The following GPATCH2 variants were observed in gnomAD, a reference collection of about 807,000 sequenced individuals.
GPATCH2 encodes the protein G patch domain-containing protein 2.
A neutral mutation model predicts 58.0 loss-of-function variants in GPATCH2; 51 were observed. The observed-to-expected ratio is 0.88, with a 90% confidence interval of 0.70 to 1.11. The LOEUF is 1.11. GPATCH2 is among the 50% of genes most tolerant of loss of function. The pLI, the probability that GPATCH2 is intolerant of heterozygous loss-of-function variation, is 0.00. For synonymous variants in GPATCH2, 222 were observed against 218.5 expected (o/e 1.02, Z -0.14); for missense variants, 625 against 652.2 (o/e 0.96, Z 0.45).
chr1:217,559,387 T>C (rs1054516005), intron 5 of GPATCH2, among the ~76,000 whole-genome samples: 6 of 151,990 alleles, frequency 3.9e-5, no homozygotes, highest in African/African-American at 1.4e-4. Context: ...ATCTTTTCAA[T>C]ATAGAGCCTT....
In GPATCH2 at chr1:217,427,105, T is replaced by C. The variant is rs1658370498; in HGVS notation, c.*4040A>G. On this transcript the variant is annotated 3_prime_UTR_variant, in exon 10 of 10. Transcript: ENST00000366935. Reference sequence around the variant, plus strand: ...CACTTAAAATGTCCAAGCAGCTTTATGAGAGGCACAACTTTCCAAAAGGAA... The same window carrying C: ...CACTTAAAATGTCCAAGCAGCTTTACGAGAGGCACAACTTTCCAAAAGGAA... The C allele has an allele frequency of 6.6e-6, 1 of 152,158 alleles. No homozygotes were observed. Among genetic ancestry groups the C allele is most frequent in the African/African-American group, 2.4e-5 (1 of 41,444 alleles). 9.4% of individuals were successfully genotyped at this position (152,158 alleles called of 1,614,324 possible).
chr1:217,562,274 T>C (rs534411032), intron 5 of GPATCH2, among the ~76,000 whole-genome samples: 2 of 152,332 alleles, frequency 1.3e-5, no homozygotes, highest in Admixed American at 6.5e-5. Flanking sequence ...TAATGTTACA[T>C]GGAGTAGAGC....
At chr1:217,562,471 T>A (rs1196264807) in intron 5 of GPATCH2, among the ~76,000 whole-genome samples, 1 of 152,176 alleles carries the variant, frequency 6.6e-6, no homozygotes, top group Non-Finnish European at 1.5e-5. Flanking sequence ...GTTGGAAAAC[T>A]ACTAGGACAG....
At chr1:217,468,062 A>C (rs185826606) in intron 8 of GPATCH2, among the ~76,000 whole-genome samples, 199 of 152,340 alleles carry the variant, frequency 1.3e-3, no homozygotes, top group Non-Finnish European at 1.3e-3. Flanking sequence ...CATTTTGAAA[A>C]CTGGCATATA....
chr1:217,439,411 A>G (rs913411132), intron 9 of GPATCH2, among the ~76,000 whole-genome samples: 1 of 152,254 alleles, frequency 6.6e-6, no homozygotes. Context: ...CAAAGGAGAA[A>G]GTGGGAAAGA....
intron 6 of GPATCH2, among the ~76,000 whole-genome samples, chr1:217,510,377 C>G (rs1208112467): frequency 6.6e-6 from 1 of 151,522 alleles, no homozygotes; most frequent in Non-Finnish European, 1.5e-5. Context: ...TTATTTAAAA[C>G]AAAAACCAAA....
intron 5 of GPATCH2, among the ~76,000 whole-genome samples, chr1:217,580,126 G>A (rs1206363725): frequency 1.3e-5 from 2 of 152,130 alleles, no homozygotes; most frequent in African/African-American, 4.8e-5. Flanking sequence ...ACAAAAAAGT[G>A]AGACTTCAAC....
chr1:217,509,648 A>G (rs1389660819), intron 6 of GPATCH2, among the ~76,000 whole-genome samples: 1 of 152,144 alleles, frequency 6.6e-6, no homozygotes, highest in Non-Finnish European at 1.5e-5. Context: ...TGTATTTGAC[A>G]AGTATTCAGT....
intron 5 of GPATCH2, among the ~76,000 whole-genome samples, chr1:217,515,348 G>A (rs1011510378): frequency 1.3e-5 from 2 of 151,910 alleles, no homozygotes; most frequent in Admixed American, 6.5e-5. Context: ...TGCCTGCCTC[G>A]GCCTCCCAAA....
At chr1:217,529,982 A>G (rs1452576140) in intron 5 of GPATCH2, among the ~76,000 whole-genome samples, 1 of 152,176 alleles carries the variant, frequency 6.6e-6, no homozygotes, top group Non-Finnish European at 1.5e-5. Flanking sequence ...GTTTCATAGT[A>G]AAAAAATACA....
At chr1:217,527,951 C>T (rs1276210869) in intron 5 of GPATCH2, among the ~76,000 whole-genome samples, 1 of 152,098 alleles carries the variant, frequency 6.6e-6, no homozygotes, top group East Asian at 1.9e-4. Flanking sequence ...GTTATAACTG[C>T]AACGGAAGTT....
At chr1:217,554,504 T>C (rs1408065734) in intron 5 of GPATCH2, among the ~76,000 whole-genome samples, 2 of 152,188 alleles carry the variant, frequency 1.3e-5, no homozygotes, top group Non-Finnish European at 1.5e-5. Context: ...AAAGAAATAA[T>C]GAAACTATTA....
At chr1:217,452,276 T>C (rs1659702548) in intron 8 of GPATCH2, among the ~76,000 whole-genome samples, 2 of 152,202 alleles carry the variant, frequency 1.3e-5, no homozygotes, top group Non-Finnish European at 2.9e-5. Context: ...CAATGAAACT[T>C]CTTGGTTGTA....
At chr1:217,630,827 C>T (rs1458296866) in intron 1 of GPATCH2, 89 bp downstream of exon 1, 3 of 921,488 alleles carry the variant, frequency 3.3e-6, no homozygotes, top group Non-Finnish European at 5.0e-6. Flanking sequence ...ATCACAGCTC[C>T]CTCCCGCCTC....
At chr1:217,545,534 C>G (rs1216558641) in intron 5 of GPATCH2, among the ~76,000 whole-genome samples, 1 of 152,166 alleles carries the variant, frequency 6.6e-6, no homozygotes, top group African/African-American at 2.4e-5. Context: ...CTCATCTTTC[C>G]AATCAAAATT....
intron 5 of GPATCH2, among the ~76,000 whole-genome samples, chr1:217,582,301 C>A (rs974620821): frequency 6.6e-6 from 1 of 151,918 alleles, no homozygotes; most frequent in Non-Finnish European, 1.5e-5. Context: ...TACCTAAATC[C>A]TATAATTATT....
chr1:217,476,302 C>T (rs952155899), intron 8 of GPATCH2, among the ~76,000 whole-genome samples: 1 of 151,168 alleles, frequency 6.6e-6, no homozygotes, highest in African/African-American at 2.4e-5. Context: ...AATCGATATG[C>T]ACAGCACCTG....
intron 5 of GPATCH2, among the ~76,000 whole-genome samples, chr1:217,524,174 C>A (rs1218026219): frequency 7.0e-6 from 1 of 142,728 alleles, no homozygotes; most frequent in Non-Finnish European, 1.5e-5. Flanking sequence ...CTCCTCACTT[C>A]TCAGACGGGG....
intron 9 of GPATCH2, among the ~76,000 whole-genome samples, chr1:217,448,495 C>G (rs1458409914): frequency 1.3e-5 from 2 of 152,188 alleles, no homozygotes; most frequent in African/African-American, 4.8e-5. Context: ...CTATCACTGA[C>G]TTTATCTGTG....
Sources: gnomAD v4.1 joint callset for allele counts (sites outside exome capture counted in the v4.1 genomes callset) on GRCh38, gnomAD v4.1.1 for gene constraint, MANE v1.5 for transcripts, NCBI Gene and HGNC (gene_info 2026-07-23, HGNC 2026-07-21) for gene names.